Variants in KCNK2 observed in about 807,000 individuals in gnomAD.
KCNK2 encodes potassium channel subfamily K member 2.
KCNK2 carries 21 observed loss-of-function variants against 40.5 expected under a neutral mutation model. That is an observed-to-expected ratio of 0.52 (90% CI 0.37 to 0.75). The LOEUF is 0.75. Ranked by LOEUF, KCNK2 falls within the 30% of genes least tolerant of loss-of-function variation. The probability of loss-of-function intolerance (pLI) is 0.00; values close to 1 mark genes in which losing one functional copy is unlikely to be tolerated. For missense variants in KCNK2, 399 were observed against 531.6 expected, an observed-to-expected ratio of 0.75 and a Z score of 2.45; for synonymous variants, 191 against 202.2, an observed-to-expected ratio of 0.94 and a Z score of 0.47.
Position 215,083,249 on chromosome 1 carries a change from A to C in KCNK2, c.-137A>C. 6.3e-7 allele frequency: 1 copy of C among 1,595,544 alleles called. No individual in the cohort carries two copies. Among genetic ancestry groups the C allele is most frequent in the Non-Finnish European group, 8.5e-7 (1 of 1,170,678 alleles). The stretch of plus-strand genomic sequence containing the variant: ...CCGCTCTCCCCACCTTGTAAAACAA[A>C]GCCGGGGAAAATGCCTGCCCGTGCA... On this transcript the variant is annotated 5_prime_UTR_variant, in exon 1 of 7. Transcript: ENST00000444842.
At chr1:215,159,094 T>C (rs1558118089) in intron 3 of KCNK2, among the ~76,000 whole-genome samples, 1 of 152,220 alleles carries the variant, frequency 6.6e-6, no homozygotes, top group African/African-American at 2.4e-5. Flanking sequence ...GCAAGCTTTC[T>C]AGGCCTTTGT....
At position 215,083,205 on chromosome 1, in the gene KCNK2, C is replaced by A; in HGVS notation, c.-181C>A. On this transcript the variant is annotated 5_prime_UTR_variant, in exon 1 of 7. Coordinates refer to ENST00000444842, the MANE Select transcript of KCNK2 (RefSeq NM_001017425.3). ...GTTTCTTCTCACGCTCCCCCCCCCG[C>A]CCCCTCCCGCGTCCAGCCCCGCTCT... The A allele has an allele frequency of 2.2e-6, 2 of 922,296 alleles. No individual in the cohort carries two copies. Among genetic ancestry groups the A allele is most frequent in the Non-Finnish European group, 3.2e-6 (2 of 624,410 alleles). 57.1% of individuals were successfully genotyped at this position (922,296 alleles called of 1,614,324 possible).
intron 1 of KCNK2, among the ~76,000 whole-genome samples, chr1:215,024,006 G>C (rs1448584246): frequency 6.6e-6 from 1 of 152,198 alleles, no homozygotes; most frequent in Non-Finnish European, 1.5e-5. Flanking sequence ...AAATCCAGCA[G>C]GGTGCAGAAG....
chr1:215,061,199 A>G (rs1188213058), intron 1 of KCNK2, among the ~76,000 whole-genome samples: 2 of 152,172 alleles, frequency 1.3e-5, no homozygotes, highest in Non-Finnish European at 2.9e-5. Context: ...AGCTTATATG[A>G]GAATGAAAGT....
intron 3 of KCNK2, among the ~76,000 whole-genome samples, chr1:215,128,763 G>GT (rs1430959044): frequency 5.9e-5 from 9 of 152,134 alleles, no homozygotes; most frequent in Non-Finnish European, 1.3e-4. Context: ...TGATAGAAAG[G>GT]TAAGTGTTAG....
intron 5 of KCNK2, among the ~76,000 whole-genome samples, chr1:215,183,041 C>T (rs1664289450): frequency 6.6e-6 from 1 of 152,156 alleles, no homozygotes; most frequent in Non-Finnish European, 1.5e-5. Context: ...CCATGTTCTC[C>T]TCCCCGGGTT....
chr1:215,176,159 A>T (rs889274711), intron 5 of KCNK2, among the ~76,000 whole-genome samples: 11 of 151,912 alleles, frequency 7.2e-5, no homozygotes, highest in Non-Finnish European at 1.3e-4. Context: ...CAGCATTATT[A>T]TTTGTTGACT....
intron 2 of KCNK2, among the ~76,000 whole-genome samples, chr1:215,097,725 T>C (rs1424888928): frequency 1.3e-5 from 2 of 152,000 alleles, no homozygotes; most frequent in Admixed American, 1.3e-4. Context: ...AAGTGAAGTT[T>C]AGAATTTGAA....
At chr1:215,023,399 A>G (rs973222917) in intron 1 of KCNK2, among the ~76,000 whole-genome samples, 1 of 152,212 alleles carries the variant, frequency 6.6e-6, no homozygotes, top group Admixed American at 6.5e-5. Context: ...GTAATCCTTT[A>G]ATGAATCACC....
intron 6 of KCNK2, among the ~76,000 whole-genome samples, chr1:215,198,701 G>A (rs572355149): frequency 5.9e-5 from 9 of 152,152 alleles, no homozygotes; most frequent in African/African-American, 1.9e-4. Context: ...CTCCCAAAGT[G>A]TTAAGAAATA....
chr1:215,016,704 A>G (rs977396512), intron 1 of KCNK2, among the ~76,000 whole-genome samples: 1 of 152,196 alleles, frequency 6.6e-6, no homozygotes. Flanking sequence ...TGTTTTGTAT[A>G]TGAACCCCAA....
intron 3 of KCNK2, among the ~76,000 whole-genome samples, chr1:215,168,810 T>TATACCTAGGTAACA (rs937872286): frequency 4.6e-5 from 7 of 151,990 alleles, no homozygotes; most frequent in Admixed American, 3.3e-4. Flanking sequence ...ATGGCACATG[T>TATACCTAGGTAACA]ATACCTAGGT....
Position 215,026,285 on chromosome 1 carries a change from C to T in KCNK2, c.34+20330C>T, listed in dbSNP as rs376346487. Among the ~76,000 whole-genome samples, 6 of 152,070 alleles carry T rather than the reference C, an allele frequency of 3.9e-5. 1 individual carries two copies. In the South Asian group the frequency reaches 1.2e-3, roughly 32 times the overall value. On this transcript the variant is annotated intron_variant, in intron 1 of 6. Coordinates refer to the KCNK2 transcript ENST00000391895. Reference sequence around the variant, plus strand: ...TGTCATCTGCATTGCAAACATGTTTCCTACATCTACCATTTGTTTACTGTC... The same window carrying T: ...TGTCATCTGCATTGCAAACATGTTTTCTACATCTACCATTTGTTTACTGTC...
chr1:215,169,006 A>G (rs535713945), intron 3 of KCNK2, among the ~76,000 whole-genome samples, 193 bp from the exon 4 acceptor site: 162 of 152,284 alleles, frequency 1.1e-3, no homozygotes, highest in African/African-American at 3.8e-3. Flanking sequence ...TACTTTGTAT[A>G]TTTTTGAAAT....
chr1:215,230,758 C>A (rs945730349), intron 6 of KCNK2, among the ~76,000 whole-genome samples: 53 of 151,614 alleles, frequency 3.5e-4, no homozygotes, highest in African/African-American at 1.2e-3. Flanking sequence ...GGCTCCCATT[C>A]ATCCCCCCAC....
chr1:215,040,091 C>T (rs1326528560), intron 1 of KCNK2, among the ~76,000 whole-genome samples: 1 of 152,124 alleles, frequency 6.6e-6, no homozygotes, highest in African/African-American at 2.4e-5. Context: ...GTGCTAAGTA[C>T]TTTACATTAC....
chr1:215,110,605 GA>G (rs1429832099), intron 2 of KCNK2, among the ~76,000 whole-genome samples: 12 of 151,906 alleles, frequency 7.9e-5, no homozygotes, highest in Admixed American at 2.6e-4. Flanking sequence ...ACATGGTTTC[GA>G]CATTTATTTT....
At chr1:215,123,022 G>A (rs185199966) in intron 2 of KCNK2, among the ~76,000 whole-genome samples, 1 of 151,964 alleles carries the variant, frequency 6.6e-6, no homozygotes, top group African/African-American at 2.4e-5. Context: ...GGGATTACAG[G>A]CGTGAGCCAC....
chr1:215,053,358 A>G (rs368649499), intron 1 of KCNK2, among the ~76,000 whole-genome samples: 71 of 152,272 alleles, frequency 4.7e-4, no homozygotes, highest in African/African-American at 1.6e-3. Flanking sequence ...CAATCAGTCA[A>G]CTGACAAATG....
Sources: allele counts gnomAD v4.1 joint callset (sites outside exome capture counted in the v4.1 genomes callset), GRCh38; gene constraint gnomAD v4.1.1; transcripts MANE v1.5; gene names NCBI Gene and HGNC (gene_info 2026-07-23, HGNC 2026-07-21).